The following SCAF11 variants were observed in gnomAD, a reference collection of about 807,000 sequenced individuals.
SCAF11 encodes protein SCAF11.
SCAF11 carries 47 observed loss-of-function variants against 140.5 expected under a neutral mutation model. The observed-to-expected ratio is 0.33, with a 90% CI of 0.26 to 0.43. The LOEUF (loss-of-function observed/expected upper bound fraction) is 0.43. Ranked by LOEUF, SCAF11 falls within the 20% of genes least tolerant of loss-of-function variation. The pLI, the probability that SCAF11 is intolerant of heterozygous loss-of-function variation, is 1.00. For missense variants in SCAF11, 1,645 were observed against 1,705.1 expected, an observed-to-expected ratio of 0.96 and a Z score of 0.62; for synonymous variants, 557 against 579.4, an observed-to-expected ratio of 0.96 and a Z score of 0.55.
chr12:45,983,755 A>ACACACT, intron 1 of SCAF11, among the ~76,000 whole-genome samples: 1 of 150,290 alleles, frequency 6.7e-6, no homozygotes, highest in Admixed American at 6.6e-5. Context: ...ACACACACAC[A>ACACACT]CACACACACA....
intron 8 of SCAF11, among the ~76,000 whole-genome samples, chr12:45,933,691 A>G (rs1945107442): frequency 6.6e-6 from 1 of 152,180 alleles, no homozygotes; most frequent in African/African-American, 2.4e-5. Flanking sequence ...TACCTTGCCA[A>G]GTTCTAAAAT....
intron 1 of SCAF11, among the ~76,000 whole-genome samples, chr12:45,973,092 CA>C (rs546136987): frequency 3.4e-4 from 50 of 147,348 alleles, no homozygotes; most frequent in South Asian, 2.5e-3. Flanking sequence ...AATGGAAAGC[CA>C]AAAGATCACA....
At chr12:45,955,175 T>C (rs976913772) in intron 3 of SCAF11, 1 of 152,106 alleles carries the variant, frequency 6.6e-6, no homozygotes, top group African/African-American at 2.4e-5. Context: ...ATAATTTTTT[T>C]TTTAAACAGG....
Position 45,923,649 on chromosome 12 carries a change from T to C in SCAF11, c.3907-495A>G, listed in dbSNP as rs574033873. On this transcript the variant is annotated intron_variant, in intron 12 of 14. Coordinates refer to ENST00000369367, the MANE Select transcript of SCAF11 (RefSeq NM_004719.3). ...CCCTATTCCTTCAACTCTATCTTAC[T>C]GTCAGGATTCTATTTATTTTATTTT... is the stretch of plus-strand genomic sequence containing the variant. Among the ~76,000 whole-genome samples the C allele has an allele frequency of 2.6e-5, 4 of 152,112 alleles. No individual in the cohort carries two copies. The East Asian group carries it at 5.8e-4, about 22-fold the overall frequency.
rs540105876 is a variant in SCAF11, at chr12:45,964,303, G to A, written c.-21-115C>T. ...TTACACATAAAAGAACACAGTACGA[G>A]CCAAGCCAGTTTGTGGATAATCCAG... On this transcript the variant is annotated intron_variant, in intron 1 of 14. Coordinates refer to ENST00000369367, the MANE Select transcript of SCAF11 (RefSeq NM_004719.3). 8.3e-4 allele frequency: 494 copies of A among 592,846 alleles called. 1 individual carries two copies. The highest frequency in any genetic ancestry group is 3.7e-4 in the Non-Finnish European group (125 of 340,818). 36.7% of individuals were successfully genotyped at this position (592,846 alleles called of 1,614,324 possible). A position where few individuals can be genotyped will look rare whatever the true frequency, so the allele number is the denominator to read the frequency against.
intron 4 of SCAF11, 36 bp from the exon 5 acceptor site, chr12:45,948,573 C>T (rs1044389554): frequency 1.6e-6 from 2 of 1,261,792 alleles, no homozygotes; most frequent in Non-Finnish European, 2.3e-6. Context: ...GAGCAACAAT[C>T]CAGCCTTACA....
At chr12:45,974,617 G>C (rs1211120664) in intron 1 of SCAF11, 1 of 180,394 alleles carries the variant, frequency 5.5e-6, no homozygotes, top group African/African-American at 2.4e-5. Flanking sequence ...TCATAAAATT[G>C]CAGCAATTCA....
chr12:45,961,696 T>C lies in SCAF11; in HGVS notation c.219+4A>G. The C allele has an allele frequency of 6.2e-7, 1 of 1,607,742 alleles. No homozygotes were observed. Among genetic ancestry groups the C allele is most frequent in the Non-Finnish European group, 8.5e-7 (1 of 1,177,140 alleles). Reference sequence around the variant, plus strand: ...ATTAAAATACATTAATGTGTCAGACTTACCTCTGCCCATTTAAGAATACAA... The same window carrying C: ...ATTAAAATACATTAATGTGTCAGACCTACCTCTGCCCATTTAAGAATACAA... On this transcript the variant is annotated splice_donor_region_variant and intron_variant, in intron 3 of 14. Transcript: ENST00000369367.
At chr12:45,986,991 G>C (rs765432197) in intron 1 of SCAF11, among the ~76,000 whole-genome samples, 1 of 152,168 alleles carries the variant, frequency 6.6e-6, no homozygotes, top group Non-Finnish European at 1.5e-5. Context: ...ACTCTTAGCT[G>C]AGGCATTCTT....
chr12:45,931,613 C>G lies in SCAF11; in HGVS notation c.735-1G>C. The stretch of plus-strand genomic sequence containing the variant: ...AACATTCCAGGGTATAAAACCAATT[C>G]TGAAAACATAATAAAGACATTTTTG... On this transcript the variant is annotated splice_acceptor_variant, in intron 9 of 14. Transcript: ENST00000369367. LOFTEE classifies it high-confidence loss of function. The G allele has an allele frequency of 6.9e-7, 1 of 1,454,062 alleles. No individual in the cohort carries two copies. The highest frequency in any genetic ancestry group is 9.2e-7 in the Non-Finnish European group (1 of 1,089,146). The allele number at this position is 1,454,062 out of a possible 1,614,324, so 90.1% of individuals were successfully genotyped here.
rs550677667 is a variant in SCAF11, at chr12:45,968,420, G to A, written c.-21-4232C>T. Among the ~76,000 whole-genome samples the A allele has an allele frequency of 6.6e-5, 10 of 151,950 alleles. No homozygotes were observed. The South Asian group carries it at 1.9e-3, about 28-fold the overall frequency. On this transcript the variant is annotated intron_variant, in intron 1 of 14. Coordinates refer to ENST00000369367, the MANE Select transcript of SCAF11 (RefSeq NM_004719.3). ...TTCCATTTCATAACATATTGTTTCT[G>A]CTAGATACTGAAAGTGATACTCCAA... is the stretch of plus-strand genomic sequence containing the variant.
rs755858107 is a variant in SCAF11, at chr12:45,926,136, C to T, written c.3559+6G>A. On this transcript the variant is annotated splice_donor_region_variant and intron_variant, in intron 11 of 14. Transcript: ENST00000369367. ...CAGTATCAATAAACCAACAAGAATA[C>T]ATTACCCTGTCCAGATGTTTCCTCC... 1.3e-5 allele frequency: 21 copies of T among 1,597,650 alleles called. No homozygotes were observed. In the Admixed American group the frequency reaches 3.1e-4, roughly 24 times the overall value.
chr12:45,949,704 G>A (rs926433237), intron 4 of SCAF11, among the ~76,000 whole-genome samples: 1 of 152,234 alleles, frequency 6.6e-6, no homozygotes, highest in Non-Finnish European at 1.5e-5. Context: ...ACTGGGGCTG[G>A]GGAAAGGGGT....
rs372396590 is a variant in SCAF11 at position 45,960,138 on chromosome 12, G to A, written c.219+1562C>T. On this transcript the variant is annotated intron_variant, in intron 3 of 14. Transcript: ENST00000369367. ...TAAGTATGTGCATCATCTACAACCC[G>A]TAATTCCACCTCTAGATACATACCC... Among the ~76,000 whole-genome samples the A allele has an allele frequency of 2.3e-3, 352 of 152,186 alleles. 12 individuals carry two copies. In the South Asian group the frequency reaches 0.067, roughly 29 times the overall value.
At chr12:45,942,922 A>C (rs1252441059) in intron 6 of SCAF11, among the ~76,000 whole-genome samples, 1 of 152,106 alleles carries the variant, frequency 6.6e-6, no homozygotes, top group African/African-American at 2.4e-5. Context: ...TATACCCCTA[A>C]GAGTCACTGT....
In SCAF11 at chr12:45,955,955, G is replaced by A. The variant is rs145295131; in HGVS notation, c.220-4228C>T. On this transcript the variant is annotated intron_variant, in intron 3 of 14. Coordinates refer to ENST00000369367, the MANE Select transcript of SCAF11 (RefSeq NM_004719.3). ...TTTACTGTGAATGCTCTGTACTAAG[G>A]TTGTTGTATCAGTTAAGAAGGCAAT... The A allele has an allele frequency of 1.6e-3, 979 of 623,538 alleles. 14 individuals are homozygous for A. In the East Asian group the frequency reaches 0.025, roughly 16 times the overall value. The allele number at this position is 623,538 out of a possible 1,614,324, so 38.6% of individuals were successfully genotyped here. A position where few individuals can be genotyped will look rare whatever the true frequency, so the allele number is the denominator to read the frequency against.
chr12:45,936,568 AAC>A (rs1945178212), intron 6 of SCAF11, among the ~76,000 whole-genome samples: 1 of 152,226 alleles, frequency 6.6e-6, no homozygotes, highest in Non-Finnish European at 1.5e-5. Context: ...AATACACTCA[AAC>A]ACAACAACTC....
chr12:45,979,540 G>A (rs767435921), intron 1 of SCAF11, among the ~76,000 whole-genome samples: 1 of 152,072 alleles, frequency 6.6e-6, no homozygotes, highest in Non-Finnish European at 1.5e-5. Context: ...TTACTCTTTC[G>A]TTGGTTTCTT....
At chr12:45,948,223 A>T (rs995912398) in intron 5 of SCAF11, among the ~76,000 whole-genome samples, 1 of 152,138 alleles carries the variant, frequency 6.6e-6, no homozygotes, top group African/African-American at 2.4e-5. Context: ...GTGAGCCACC[A>T]TGCCCAGCCA....
Sources: allele counts gnomAD v4.1 joint callset (sites outside exome capture counted in the v4.1 genomes callset), GRCh38; gene constraint gnomAD v4.1.1; transcripts MANE v1.5; gene names NCBI Gene and HGNC (gene_info 2026-07-23, HGNC 2026-07-21).